DDX6: variants seen among roughly 807,000 people sequenced by gnomAD.
DDX6 encodes DEAD-box helicase 6.
A neutral mutation model predicts 60.6 loss-of-function variants in DDX6; 7 were observed. The ratio of observed to expected loss-of-function variants is 0.12; its 90% CI spans 0.07 to 0.22. The LOEUF (loss-of-function observed/expected upper bound fraction) is 0.22, where lower values mean the gene tolerates loss of function less well. Ranked by LOEUF, DDX6 falls within the 10% of genes least tolerant of loss-of-function variation. The pLI is 1.00. For missense variants in DDX6, 270 were observed against 589.9 expected (o/e 0.46, Z 5.62); for synonymous variants, 207 against 201.0 (o/e 1.03, Z -0.25).
In DDX6 at chr11:118,786,450, G is replaced by A. The variant is rs1001013453; in HGVS notation, c.-199C>T. 2.5e-6 allele frequency: 1 copy of A among 396,262 alleles called. No individual in the cohort carries two copies. The highest frequency in any genetic ancestry group is 4.4e-6 in the Non-Finnish European group (1 of 225,906). The allele number at this position is 396,262 out of a possible 1,614,324, so 24.5% of individuals were successfully genotyped here. A position where few individuals can be genotyped will look rare whatever the true frequency, so the allele number is the denominator to read the frequency against. ...CAGCAGTAACTTGCTCTCTTGCACG[G>A]AATCAACTTTTTATTTTTAAAAAGC... On this transcript the variant is annotated 5_prime_UTR_variant, in exon 2 of 14. Coordinates refer to ENST00000534980, the MANE Select transcript of DDX6 (RefSeq NM_004397.6).
chr11:118,769,261 G>C (rs1861456376), intron 4 of DDX6, among the ~76,000 whole-genome samples: 1 of 152,096 alleles, frequency 6.6e-6, no homozygotes, highest in South Asian at 2.1e-4. Flanking sequence ...ACACGAATAG[G>C]CTGGGAAAGT....
intron 4 of DDX6, among the ~76,000 whole-genome samples, chr11:118,776,842 AAAAG>A (rs1397684911): frequency 7.2e-5 from 11 of 152,054 alleles, no homozygotes; most frequent in South Asian, 4.1e-4. Flanking sequence ...AAAAAAAAAA[AAAAG>A]AAAGAAAAAA....
In DDX6 at chr11:118,786,461, T is replaced by C. The variant is rs1337385795; in HGVS notation, c.-210A>G. ...TGCTCTCTTGCACGGAATCAACTTT[T>C]TATTTTTAAAAAGCCCTCTAACAAG... On this transcript the variant is annotated 5_prime_UTR_variant, in exon 2 of 14. Transcript: ENST00000534980. 2.6e-6 allele frequency: 1 copy of C among 383,196 alleles called. No individual in the cohort carries two copies. Among genetic ancestry groups the C allele is most frequent in the African/African-American group, 2.1e-5 (1 of 48,426 alleles). The allele number at this position is 383,196 out of a possible 1,614,324, so 23.7% of individuals were successfully genotyped here. A position where few individuals can be genotyped will look rare whatever the true frequency, so the allele number is the denominator to read the frequency against.
intron 8 of DDX6, among the ~76,000 whole-genome samples, chr11:118,759,655 C>T (rs895120766): frequency 1.3e-5 from 2 of 152,162 alleles, no homozygotes; most frequent in Non-Finnish European, 2.9e-5. Context: ...ATACCGGAAT[C>T]AATTCAGCTA....
At chr11:118,783,119 T>G (rs957156911) in intron 2 of DDX6, among the ~76,000 whole-genome samples, 11 of 152,126 alleles carry the variant, frequency 7.2e-5, no homozygotes, top group African/African-American at 2.4e-4. Flanking sequence ...GGTTAAGTAT[T>G]AGAAGTGTTC....
At position 118,751,443 on chromosome 11, in the gene DDX6, T is replaced by TG. The variant is rs1555157319; in HGVS notation, c.*661dup. On this transcript the variant is annotated 3_prime_UTR_variant, in exon 14 of 14. Transcript: ENST00000534980. ...CTCCTCCCCAAAAAGAAAAAAAAAA[T>TG]GGTGTTTAACATTACTAGTGAGTTT... 6.6e-6 allele frequency: 1 copy of TG among 150,980 alleles called. No homozygotes were observed. Among genetic ancestry groups the TG allele is most frequent in the African/African-American group, 2.4e-5 (1 of 41,018 alleles). 9.4% of individuals were successfully genotyped at this position (150,980 alleles called of 1,614,324 possible).
chr11:118,751,054 AAT>A lies in DDX6; in HGVS notation c.*1049_*1050del, dbSNP rs1291223410. The A allele has an allele frequency of 1.3e-4, 17 of 135,024 alleles. No homozygotes were observed. The highest frequency in any genetic ancestry group is 2.8e-4 in the African/African-American group (10 of 36,086). The allele number at this position is 135,024 out of a possible 1,614,324, so 8.4% of individuals were successfully genotyped here. Reference sequence around the variant, plus strand: ...TCCCAGCAACCTTCATCCAAAAAAAAATATATATATATGTATATATATATATA... The same window carrying A: ...TCCCAGCAACCTTCATCCAAAAAAAAATATATATATGTATATATATATATA... On this transcript the variant is annotated 3_prime_UTR_variant, in exon 14 of 14. Coordinates refer to ENST00000534980, the MANE Select transcript of DDX6 (RefSeq NM_004397.6).
chr11:118,787,146 G>C (rs1183808518), intron 1 of DDX6: 1 of 152,150 alleles, frequency 6.6e-6, no homozygotes, highest in Non-Finnish European at 1.5e-5. Flanking sequence ...GACCAGCCTG[G>C]ACAACATAGC....
Position 118,755,427 on chromosome 11 carries a change from G to A in DDX6, c.1251C>T (p.Thr417=). Residue 417 remains threonine (T), a synonymous_variant, in exon 12 of 14, where the codon ACC becomes ACT. Transcript: ENST00000534980. ...INFDFPKLAE[T]YLHRIGRSGR... Reference sequence around the variant, plus strand: ...CTGATCTTCCAATACGATGGAGATAGGTCTCTGCCAGCTTTGGGAAATCAA... The same window carrying A: ...CTGATCTTCCAATACGATGGAGATAAGTCTCTGCCAGCTTTGGGAAATCAA... 6.2e-7 allele frequency: 1 copy of A among 1,608,856 alleles called. No homozygotes were observed. Among genetic ancestry groups the A allele is most frequent in the South Asian group, 1.1e-5 (1 of 90,912 alleles).
At chr11:118,777,079 G>A (rs1182943727) in intron 4 of DDX6, among the ~76,000 whole-genome samples, 1 of 151,882 alleles carries the variant, frequency 6.6e-6, no homozygotes, top group Non-Finnish European at 1.5e-5. Flanking sequence ...TTCCTCTAAT[G>A]ACTACATACA....
intron 6 of DDX6, among the ~76,000 whole-genome samples, chr11:118,764,906 C>T (rs1053775211): frequency 2.0e-5 from 3 of 151,320 alleles, no homozygotes; most frequent in Non-Finnish European, 2.9e-5. Context: ...AAGTTTACAC[C>T]CCCACATTTA....
At chr11:118,773,624 T>C (rs1555163031) in intron 4 of DDX6, among the ~76,000 whole-genome samples, 1 of 149,932 alleles carries the variant, frequency 6.7e-6, no homozygotes, top group Non-Finnish European at 1.5e-5. Context: ...CCAGACGAGG[T>C]AGCAATGATT....
At chr11:118,759,824 C>T in intron 8 of DDX6, 98 bp downstream of exon 8, 1 of 1,295,818 alleles carries the variant, frequency 7.7e-7, no homozygotes, top group Non-Finnish European at 1.0e-6. Context: ...AAATAATTAG[C>T]ATAAAGTATA....
chr11:118,778,022 AAAAAAAAATT>A (rs1861763371), intron 4 of DDX6, among the ~76,000 whole-genome samples: 3 of 132,560 alleles, frequency 2.3e-5, no homozygotes, highest in Admixed American at 1.4e-4. Context: ...AATAATAATA[AAAAAAAAATT>A]GAAAAAAATT....
rs868933915 is a variant in DDX6, at chr11:118,759,155, G to A, written c.865-253C>T. On this transcript the variant is annotated intron_variant, in intron 8 of 13. Coordinates refer to ENST00000534980, the MANE Select transcript of DDX6 (RefSeq NM_004397.6). ...GCTCCCTGCAACCTCCACCTCCCGG[G>A]TTCAAGTGATTCTCCTGCCTCGGCC... 13 of 344,114 alleles carry A rather than the reference G, an allele frequency of 3.8e-5. No individual in the cohort carries two copies. In the Middle Eastern group the frequency reaches 2.7e-3, roughly 72 times the overall value. 21.3% of individuals were successfully genotyped at this position (344,114 alleles called of 1,614,324 possible).
chr11:118,755,134 T>C (rs1250155109), intron 12 of DDX6, among the ~76,000 whole-genome samples: 1 of 152,210 alleles, frequency 6.6e-6, no homozygotes, highest in Admixed American at 6.6e-5. Flanking sequence ...TGCCATAAAA[T>C]ACACATTAAA....
intron 2 of DDX6, among the ~76,000 whole-genome samples, chr11:118,783,962 C>T (rs1287483794): frequency 6.6e-6 from 1 of 151,058 alleles, no homozygotes; most frequent in African/African-American, 2.4e-5. Context: ...CTGGTGCATG[C>T]CAGTAGTCCC....
intron 4 of DDX6, among the ~76,000 whole-genome samples, chr11:118,776,659 C>T (rs1861708384): frequency 6.6e-6 from 1 of 151,796 alleles, no homozygotes; most frequent in Non-Finnish European, 1.5e-5. Context: ...ATGGTGAAAC[C>T]CCATCTCTAC....
chr11:118,767,477 A>G (rs1233651667), intron 5 of DDX6: 1 of 152,180 alleles, frequency 6.6e-6, no homozygotes, highest in Non-Finnish European at 1.5e-5. Flanking sequence ...CCCACTGCCT[A>G]GGCTCTTAAA....
Sources: allele counts gnomAD v4.1 joint callset (sites outside exome capture counted in the v4.1 genomes callset), GRCh38; gene constraint gnomAD v4.1.1; transcripts MANE v1.5; gene names NCBI Gene and HGNC (gene_info 2026-07-23, HGNC 2026-07-21).